PRODH2: variants seen among roughly 807,000 people sequenced by gnomAD.
The protein encoded by PRODH2 is hydroxyproline dehydrogenase.
In PRODH2, 49 loss-of-function variants were observed where a neutral mutation model predicts 51.9. That is an observed-to-expected ratio of 0.94 (90% CI 0.75 to 1.20). PRODH2 has a LOEUF of 1.20. PRODH2 is among the 50% of genes most tolerant of loss of function. The pLI, the probability that PRODH2 is intolerant of heterozygous loss-of-function variation, is 0.00. For synonymous variants in PRODH2, 249 were observed against 260.7 expected (o/e 0.96, Z 0.43); for missense variants, 597 against 610.9 (o/e 0.98, Z 0.24).
chr19:35,811,551 AAAG>A (rs1284363418), intron 4 of PRODH2, among the ~76,000 whole-genome samples: 1 of 143,756 alleles, frequency 7.0e-6, no homozygotes, highest in African/African-American at 2.9e-5. Flanking sequence ...AGAGAGAGAG[AAAG>A]AAAGAAAAAA....
chr19:35,806,277 T>C (rs2146783076), intron 7 of PRODH2, among the ~76,000 whole-genome samples, 153 bp downstream of exon 7: 1 of 152,034 alleles, frequency 6.6e-6, no homozygotes, highest in South Asian at 2.1e-4. Flanking sequence ...AGAGATGGGG[T>C]CTCCCTGTGT....
chr19:35,811,998 G>T lies in PRODH2; in HGVS notation c.561C>A (p.Ser187Arg). 1.2e-6 allele frequency: 2 copies of T among 1,614,190 alleles called. No homozygotes were observed. The highest frequency in any genetic ancestry group is 1.7e-6 in the Non-Finnish European group (2 of 1,180,022). Residue 187 changes from serine (S) to arginine (R), a missense_variant, in exon 4 of 10, where the codon AGC (serine) becomes AGA (arginine). Coordinates refer to ENST00000653904, the MANE Select transcript of PRODH2 (RefSeq NM_021232.2). The part of the protein sequence containing the change: ...VRRPGASLEL[S>R]PERLAEAMDS... ...CCATAGCTTCAGCCAGCCTCTCGGG[G>T]CTCAGCTCCAAGGAGGCTCCTGGCC...
At chr19:35,801,693 G>T (rs1972432257) in intron 9 of PRODH2, 1 of 159,498 alleles carries the variant, frequency 6.3e-6, no homozygotes. Flanking sequence ...CTTAGAGTAA[G>T]AGTTAATAAA....
At chr19:35,808,134 G>C (rs141741966) in intron 4 of PRODH2, among the ~76,000 whole-genome samples, 2 of 152,248 alleles carry the variant, frequency 1.3e-5, no homozygotes, top group Non-Finnish European at 2.9e-5. Context: ...ATGCTTCCTC[G>C]GCCCCTAGCA....
chr19:35,812,238 G>T lies in PRODH2; in HGVS notation c.406C>A (p.Leu136Met). ...CCCCGTGACAGGTCCACACACCGCA[G>T]CATAGCACCGAGGTTCCCCTCATAC... is the stretch of plus-strand genomic sequence containing the variant. The part of the protein sequence containing the change: ...AWYEGNLGAM[L>M]RCVDLSRGLL... Residue 136 changes from leucine (L) to methionine (M), a missense_variant, in exon 3 of 10, where the codon CTG becomes ATG. Transcript: ENST00000653904. 6.2e-7 allele frequency: 1 copy of T among 1,613,718 alleles called. No individual in the cohort carries two copies. Among genetic ancestry groups the T allele is most frequent in the East Asian group, 2.2e-5 (1 of 44,886 alleles).
intron 4 of PRODH2, among the ~76,000 whole-genome samples, 166 bp from the exon 5 acceptor site, chr19:35,807,287 T>C (rs1972529531): frequency 6.6e-6 from 1 of 152,166 alleles, no homozygotes; most frequent in Non-Finnish European, 1.5e-5. Context: ...TTATGTAACC[T>C]TTCTGGGCCT....
chr19:35,809,993 C>G (rs191921630), intron 4 of PRODH2, among the ~76,000 whole-genome samples: 1 of 66,784 alleles, frequency 1.5e-5, no homozygotes, highest in African/African-American at 4.6e-5. Context: ...AAACGCTGGG[C>G]GTGGTGGCTC....
chr19:35,812,327 C>T (rs1457241312), intron 2 of PRODH2, 33 bp downstream of exon 2: 1 of 1,610,324 alleles, frequency 6.2e-7, no homozygotes, highest in South Asian at 1.1e-5. Flanking sequence ...CCTGCGTCCT[C>T]CCAGCCTCCC....
intron 7 of PRODH2, among the ~76,000 whole-genome samples, chr19:35,803,669 C>T (rs780081718): frequency 6.6e-6 from 1 of 152,122 alleles, no homozygotes; most frequent in Non-Finnish European, 1.5e-5. Flanking sequence ...AGGAGAGGGT[C>T]GCATCACATG....
At chr19:35,801,327 G>A (rs1046713575) in intron 9 of PRODH2, among the ~76,000 whole-genome samples, 1 of 152,082 alleles carries the variant, frequency 6.6e-6, no homozygotes, top group Non-Finnish European at 1.5e-5. Flanking sequence ...TTAGCTGGGC[G>A]TGGTGGCAGC....
Position 35,811,957 on chromosome 19 carries a change from C to G in PRODH2, c.597+5G>C. 2 of 1,613,834 alleles carry G rather than the reference C, an allele frequency of 1.2e-6. No individual in the cohort carries two copies. Among genetic ancestry groups the G allele is most frequent in the Non-Finnish European group, 1.7e-6 (2 of 1,179,752 alleles). ...GTCCCCGACAGTCCCGCTTGAGATC[C>G]TTACCTGCCCAGAGTCCATAGCTTC... On this transcript the variant is annotated splice_donor_5th_base_variant and intron_variant, in intron 4 of 9. Coordinates refer to ENST00000653904, the MANE Select transcript of PRODH2 (RefSeq NM_021232.2).
chr19:35,800,288 T>G, intron 9 of PRODH2, 66 bp from the exon 10 acceptor site: 2 of 1,408,770 alleles, frequency 1.4e-6, no homozygotes, highest in Non-Finnish European at 1.9e-6. Context: ...CTCGCTCTGT[T>G]GCCCAGGCTG....
intron 7 of PRODH2, among the ~76,000 whole-genome samples, chr19:35,805,363 T>C (rs1328461559): frequency 6.6e-6 from 1 of 151,962 alleles, no homozygotes; most frequent in Non-Finnish European, 1.5e-5. Context: ...GCCTCCTGGG[T>C]TCAAGTGATT....
intron 4 of PRODH2, among the ~76,000 whole-genome samples, chr19:35,810,731 G>T (rs1373182454): frequency 6.6e-6 from 1 of 152,090 alleles, no homozygotes; most frequent in African/African-American, 2.4e-5. Context: ...ATGTTGGCCA[G>T]GCTGGTCTTG....
chr19:35,807,723 AT>A (rs1370724843), intron 4 of PRODH2, among the ~76,000 whole-genome samples: 1 of 152,042 alleles, frequency 6.6e-6, no homozygotes, highest in Admixed American at 6.6e-5. Context: ...CCACCTATAC[AT>A]TGGCAACTTC....
Position 35,811,419 on chromosome 19 carries a change from AGAAG to A in PRODH2, c.597+539_597+542del, listed in dbSNP as rs1263388569. 6.9e-5 allele frequency among the ~76,000 whole-genome samples: 8 copies of A among 115,372 alleles called. No homozygotes were observed. The East Asian group carries it at 1.8e-3, about 26-fold the overall frequency. 75.7% of individuals were successfully genotyped at this position (115,372 alleles called of 152,430 possible). ...GAGAGAGAGAGAGGAGGGAGGAGAG[AGAAG>A]GAAGGAAGGAAGGAATAAAGGAAGG... On this transcript the variant is annotated intron_variant, in intron 4 of 9. Transcript: ENST00000653904.
intron 4 of PRODH2, among the ~76,000 whole-genome samples, chr19:35,808,212 A>G (rs996684596): frequency 6.6e-6 from 1 of 152,246 alleles, no homozygotes; most frequent in Admixed American, 6.5e-5. Context: ...ACATGGAAAT[A>G]AGAACCGTTT....
rs1391971618 is a variant in PRODH2, at chr19:35,807,189, A to C, written c.598-68T>G. 2.9e-6 allele frequency: 4 copies of C among 1,365,374 alleles called. No individual in the cohort carries two copies. The African/African-American group carries it at 5.8e-5, about 20-fold the overall frequency. 84.6% of individuals were successfully genotyped at this position (1,365,374 alleles called of 1,614,324 possible). On this transcript the variant is annotated intron_variant, in intron 4 of 9. Coordinates refer to ENST00000653904, the MANE Select transcript of PRODH2 (RefSeq NM_021232.2). ...TAGAAATCTAAAAATGAGCAATATC[A>C]GTTAGGTACTATTTATTGAGGGGGT...
rs1182402277 is a variant in PRODH2 at position 35,811,592 on chromosome 19, G to A, written c.597+370C>T. On this transcript the variant is annotated intron_variant, in intron 4 of 9. Coordinates refer to ENST00000653904, the MANE Select transcript of PRODH2 (RefSeq NM_021232.2). ...ATGGAGTAGGGTTGAAAGAGAATGT[G>A]GAGATAAAAAGGAATTAATGATTGA... 2.0e-5 allele frequency among the ~76,000 whole-genome samples: 3 copies of A among 152,118 alleles called. No homozygotes were observed. The East Asian group carries it at 5.8e-4, about 29-fold the overall frequency.
Sources: gnomAD v4.1 joint callset for allele counts (sites outside exome capture counted in the v4.1 genomes callset) on GRCh38, gnomAD v4.1.1 for gene constraint, MANE v1.5 for transcripts, NCBI Gene and HGNC (gene_info 2026-07-23, HGNC 2026-07-21) for gene names.